Variants in MMP24 observed in about 807,000 individuals in gnomAD.
The protein encoded by MMP24 is matrix metallopeptidase 24.
In MMP24, 25 loss-of-function variants were observed where a neutral mutation model predicts 62.8. That is an observed-to-expected ratio of 0.40 (90% CI 0.29 to 0.56). MMP24 has a LOEUF of 0.56. Among genes scored for constraint, MMP24 ranks in the 20% least tolerant of loss-of-function variants. The pLI is 0.50. For synonymous variants in MMP24, 319 were observed against 350.5 expected, an observed-to-expected ratio of 0.91 and a Z score of 1.00; for missense variants, 634 against 853.6, an observed-to-expected ratio of 0.74 and a Z score of 3.21.
chr20:35,269,726 C>T lies in MMP24; in HGVS notation c.1195-34C>T, dbSNP rs760866792. 5.8e-6 allele frequency: 9 copies of T among 1,557,522 alleles called. No individual in the cohort carries two copies. In the African/African-American group the frequency reaches 1.1e-4, roughly 19 times the overall value. ...CACTGGGTTCGGAGGCAGGGCCTGA[C>T]ACACCTCTCTCCCCCTCTCCCGCTT... On this transcript the variant is annotated intron_variant, in intron 6 of 8. Transcript: ENST00000246186. This position sits in a 1 kb window ranked among gnomAD's most constrained non-coding sequence, Gnocchi z 4.6.
rs147865149 is a variant in MMP24, at chr20:35,259,069, T to C, written c.817+4315T>C. ...GGTGGCACATGCCTGTAATCCCAGC[T>C]ACTCGGGAGGCTGAGGCAGGAGAAT... On this transcript the variant is annotated intron_variant, in intron 4 of 8. Transcript: ENST00000246186. Among the ~76,000 whole-genome samples, 520 of 152,254 alleles carry C rather than the reference T, an allele frequency of 3.4e-3. 1 individual carries two copies. The highest frequency in any genetic ancestry group is 0.011 in the African/African-American group (468 of 41,554).
chr20:35,245,154 G>A (rs1173293816), intron 1 of MMP24, among the ~76,000 whole-genome samples: 2 of 152,100 alleles, frequency 1.3e-5, no homozygotes, highest in Non-Finnish European at 2.9e-5. Flanking sequence ...AGCCTCCCAA[G>A]TAGCTAGGAC....
At chr20:35,253,964 G>A (rs1218625217) in intron 3 of MMP24, among the ~76,000 whole-genome samples, 2 of 150,938 alleles carry the variant, frequency 1.3e-5, no homozygotes, top group Non-Finnish European at 2.9e-5. Flanking sequence ...CTGCCTCCGG[G>A]TTCAAGCAAT....
Position 35,276,388 on chromosome 20 carries a change from T to C in MMP24, c.*1779T>C. 1 of 398,564 alleles carries C rather than the reference T, an allele frequency of 2.5e-6. No individual in the cohort carries two copies. The highest frequency in any genetic ancestry group is 3.6e-5 in the East Asian group (1 of 28,082). The allele number at this position is 398,564 out of a possible 1,614,324, so 24.7% of individuals were successfully genotyped here. The stretch of plus-strand genomic sequence containing the variant: ...GCAAAGCACTTTATTAGCTCACACC[T>C]GTCCACTCACATGAAACTCGTGTTA... On this transcript the variant is annotated 3_prime_UTR_variant, in exon 9 of 9. Transcript: ENST00000246186.
chr20:35,226,990 G>C lies in MMP24; in HGVS notation c.246+6G>C. 2.0e-6 allele frequency: 2 copies of C among 980,254 alleles called. No homozygotes were observed. Among genetic ancestry groups the C allele is most frequent in the South Asian group, 4.5e-5 (1 of 22,088 alleles). 60.7% of individuals were successfully genotyped at this position (980,254 alleles called of 1,614,324 possible). A position where few individuals can be genotyped will look rare whatever the true frequency, so the allele number is the denominator to read the frequency against. On this transcript the variant is annotated splice_donor_region_variant and intron_variant, in intron 1 of 8. Transcript: ENST00000246186. ...AGGCGCCCTTCGCCGGGCAGGTGGG[G>C]CTGGCGCGCGGGGCCGGGGCGCGGG... is the stretch of plus-strand genomic sequence containing the variant.
At chr20:35,265,424 AGAGT>A (rs1377721052) in intron 5 of MMP24, among the ~76,000 whole-genome samples, 3 of 151,580 alleles carry the variant, frequency 2.0e-5, no homozygotes, top group Non-Finnish European at 4.4e-5. Context: ...CCTAGGCGAC[AGAGT>A]GAGACTCCGT....
rs779953999 is a variant in MMP24 at position 35,263,970 on chromosome 20, G to T, written c.979+18G>T. The T allele has an allele frequency of 1.3e-6, 2 of 1,585,330 alleles. No homozygotes were observed. The highest frequency in any genetic ancestry group is 1.3e-5 in the African/African-American group (1 of 74,108). On this transcript the variant is annotated intron_variant, in intron 5 of 8. Transcript: ENST00000246186. ...GATCTATGGTGTGTGGCAGGGAGAG[G>T]GGGGACTGCTCCTTCCTCGGGGCTG...
chr20:35,251,285 A>AT (rs561724986), intron 2 of MMP24, among the ~76,000 whole-genome samples: 11,004 of 146,982 alleles, frequency 0.075, 1,059 homozygotes, highest in African/African-American at 0.23. Flanking sequence ...CAGCTGGCTA[A>AT]TTTTTTTTTT....
At chr20:35,261,941 T>C (rs967007595) in intron 4 of MMP24, among the ~76,000 whole-genome samples, 4 of 151,714 alleles carry the variant, frequency 2.6e-5, no homozygotes, top group Non-Finnish European at 5.9e-5. Flanking sequence ...GCTGGTACTA[T>C]AGGCGCAGGC....
chr20:35,274,476 C>T lies in MMP24; in HGVS notation c.1805C>T (p.Ala602Val). Reference protein sequence around the residue: ...TINDVPGSVNAVAVVIPCILS... With the variant: ...TINDVPGSVNVVAVVIPCILS... ...AACGATGTGCCGGGCTCCGTGAACG[C>T]CGTGGCCGTGGTCATCCCCTGCATC... The change falls in exon 9 of 9, where the codon GCC (alanine) becomes GTC (valine). Residue 602 changes from alanine to valine, a missense_variant. This residue lies in a region of MMP24 where 399 missense variants were observed against 530.8 expected (regional missense o/e 0.75). Transcript: ENST00000246186. This position sits in a 1 kb window ranked among gnomAD's most constrained non-coding sequence, Gnocchi z 5.1. The T allele has an allele frequency of 6.2e-7, 1 of 1,614,044 alleles. No homozygotes were observed. Among genetic ancestry groups the T allele is most frequent in the Non-Finnish European group, 8.5e-7 (1 of 1,179,898 alleles).
intron 8 of MMP24, among the ~76,000 whole-genome samples, chr20:35,273,608 C>T (rs976456897): frequency 1.3e-5 from 2 of 152,094 alleles, no homozygotes; most frequent in Admixed American, 6.6e-5. Context: ...CATCAAGGAC[C>T]GAGACCAATG....
chr20:35,242,838 G>T (rs1452773621), intron 1 of MMP24, among the ~76,000 whole-genome samples: 1 of 152,120 alleles, frequency 6.6e-6, no homozygotes, highest in Non-Finnish European at 1.5e-5. Context: ...ACTGGCTCTT[G>T]GTCCAAGGAG....
At chr20:35,261,267 C>T (rs1018916331) in intron 4 of MMP24, among the ~76,000 whole-genome samples, 6 of 152,228 alleles carry the variant, frequency 3.9e-5, no homozygotes, top group African/African-American at 1.2e-4. Flanking sequence ...GCTGGCGCTC[C>T]ACTGGCCTCG....
rs762730417 is a variant in MMP24, at chr20:35,263,841, C to A, written c.868C>A (p.Leu290Met). The A allele has an allele frequency of 5.8e-5, 94 of 1,609,630 alleles. 1 individual carries two copies. Among genetic ancestry groups the A allele is most frequent in the Non-Finnish European group, 7.6e-6 (9 of 1,178,050 alleles). The change falls in exon 5 of 9, where the codon CTG (leucine) becomes ATG (methionine). Residue 290 changes from leucine (L) to methionine (M), a missense_variant. Leu to Met is a conservative substitution (Grantham distance 15, BLOSUM62 2). Coordinates refer to ENST00000246186, the MANE Select transcript of MMP24 (RefSeq NM_006690.4). ...AVHELGHALG[L>M]EHSSDPSAIM... ...GCATGAGCTGGGCCACGCGCTGGGA[C>A]TGGAGCACTCCAGCGACCCCAGCGC...
intron 7 of MMP24, among the ~76,000 whole-genome samples, chr20:35,270,589 A>T (rs1033038909): frequency 1.3e-5 from 2 of 152,218 alleles, no homozygotes; most frequent in African/African-American, 4.8e-5. Flanking sequence ...CGAGCAGCAG[A>T]GAGCCAGAGG....
rs745553125 is a variant in MMP24, at chr20:35,251,918, C to A, written c.409C>A (p.Pro137Thr). 1 of 1,613,908 alleles carries A rather than the reference C, an allele frequency of 6.2e-7. No homozygotes were observed. Among genetic ancestry groups the A allele is most frequent in the East Asian group, 2.2e-5 (1 of 44,880 alleles). The change falls in exon 3 of 9, where the codon CCC (proline) becomes ACC (threonine). Residue 137 changes from proline (P) to threonine (T), a missense_variant. This residue lies in a region of MMP24 where 212 missense variants were observed against 259.6 expected (regional missense o/e 0.82). Transcript: ENST00000246186. ...DQTTIEWMKK[P>T]RCGVPDHPHL... ...CTCTCTGCCCAGGTGGATGAAGAAA[C>A]CCCGATGTGGTGTCCCTGATCACCC...
chr20:35,241,207 T>C (rs1300243270), intron 1 of MMP24, among the ~76,000 whole-genome samples: 1 of 152,170 alleles, frequency 6.6e-6, no homozygotes, highest in Non-Finnish European at 1.5e-5. Flanking sequence ...AGGCAGAGGA[T>C]TGTCTGGGTC....
chr20:35,275,848 G>A lies in MMP24; in HGVS notation c.*1239G>A, dbSNP rs554791237. On this transcript the variant is annotated 3_prime_UTR_variant, in exon 9 of 9. Coordinates refer to ENST00000246186, the MANE Select transcript of MMP24 (RefSeq NM_006690.4). ...TGCTCTTAGAAGGACACCCCTACCG[G>A]TAGCAGCCCCAAGCTGAGGGGGCTC... The A allele has an allele frequency of 3.8e-5, 15 of 396,570 alleles. No homozygotes were observed. Among genetic ancestry groups the A allele is most frequent in the African/African-American group, 1.6e-4 (8 of 48,610 alleles). The allele number at this position is 396,570 out of a possible 1,614,324, so 24.6% of individuals were successfully genotyped here. A position where few individuals can be genotyped will look rare whatever the true frequency, so the allele number is the denominator to read the frequency against.
intron 1 of MMP24, among the ~76,000 whole-genome samples, chr20:35,227,650 T>G (rs1219299546): frequency 6.6e-6 from 1 of 152,130 alleles, no homozygotes; most frequent in East Asian, 1.9e-4. Flanking sequence ...GATGGAGGCA[T>G]GCATAATGCT....
Sources: allele counts gnomAD v4.1 joint callset (sites outside exome capture counted in the v4.1 genomes callset), GRCh38; gene constraint gnomAD v4.1.1; regional missense constraint gnomAD v4.1.1; non-coding constraint Gnocchi (gnomAD v3.1); transcripts MANE v1.5; gene names NCBI Gene and HGNC (gene_info 2026-07-23, HGNC 2026-07-21).